GAS2L3: variants seen among roughly 807,000 people sequenced by gnomAD.
The protein encoded by GAS2L3 is growth arrest specific 2 like 3.
In GAS2L3, 28 loss-of-function variants were observed where a neutral mutation model predicts 37.0. The ratio of observed to expected loss-of-function variants is 0.76; its 90% CI spans 0.56 to 1.04. The LOEUF (loss-of-function observed/expected upper bound fraction) is 1.04, where lower values mean the gene tolerates loss of function less well. Among genes scored for constraint, GAS2L3 ranks in the 50% least tolerant of loss-of-function variants. The pLI, the probability that GAS2L3 is intolerant of heterozygous loss-of-function variation, is 0.00. For missense variants in GAS2L3, 793 were observed against 817.6 expected, an observed-to-expected ratio of 0.97 and a Z score of 0.37; for synonymous variants, 290 against 296.6, an observed-to-expected ratio of 0.98 and a Z score of 0.23.
chr12:100,583,065 T>C (rs1435370883), intron 1 of GAS2L3, among the ~76,000 whole-genome samples: 1 of 152,104 alleles, frequency 6.6e-6, no homozygotes, highest in African/African-American at 2.4e-5. Flanking sequence ...GGTTCTTGGA[T>C]CTCATGCAAG....
At chr12:100,576,908 CAT>C (rs1955644921) in intron 1 of GAS2L3, among the ~76,000 whole-genome samples, 1 of 152,172 alleles carries the variant, frequency 6.6e-6, no homozygotes, top group Non-Finnish European at 1.5e-5. Flanking sequence ...GACCATCAGT[CAT>C]GTGCTGGATA....
intron 5 of GAS2L3, among the ~76,000 whole-genome samples, chr12:100,602,503 A>T (rs1956003996): frequency 6.6e-6 from 1 of 151,762 alleles, no homozygotes; most frequent in South Asian, 2.1e-4. Context: ...TCTTGTAAAA[A>T]ATATTTTGTG....
chr12:100,590,141 G>A (rs1332063469), intron 1 of GAS2L3, among the ~76,000 whole-genome samples: 1 of 152,170 alleles, frequency 6.6e-6, no homozygotes, highest in East Asian at 1.9e-4. Flanking sequence ...CCCACAGAGT[G>A]GGAGAAAATT....
rs199899152 is a variant in GAS2L3, at chr12:100,618,453, G to A, written c.514G>A (p.Gly172Arg). Residue 172 changes from glycine to arginine, a missense_variant, in exon 8 of 10, where the codon GGG (glycine) becomes AGG (arginine). By Grantham distance (125) the Gly-to-Arg change is moderately radical. Coordinates refer to ENST00000547754, the MANE Select transcript of GAS2L3 (RefSeq NM_174942.3). ...LEIGRIVSRY[G>R]VEPPVLVKLE... ...GATCTCCTGGTTGGTTTTCAGATACGGGGTTGAGCCACCAGTGTTAGTAAA... is the reference window on the plus strand; with the variant it reads ...GATCTCCTGGTTGGTTTTCAGATACAGGGTTGAGCCACCAGTGTTAGTAAA... 9.0e-5 allele frequency: 144 copies of A among 1,604,966 alleles called. No individual in the cohort carries two copies. Among genetic ancestry groups the A allele is most frequent in the South Asian group, 2.4e-4 (21 of 89,292 alleles).
At chr12:100,578,834 C>T in intron 1 of GAS2L3, 1 of 699,052 alleles carries the variant, frequency 1.4e-6, no homozygotes, top group South Asian at 1.5e-5. Flanking sequence ...ACGTAGAACC[C>T]ATACCCATAA....
At chr12:100,595,665 A>G (rs574443153) in intron 3 of GAS2L3, among the ~76,000 whole-genome samples, 1 of 151,996 alleles carries the variant, frequency 6.6e-6, no homozygotes. Context: ...ATTAGATTTC[A>G]GTTCTGATCC....
In GAS2L3 at chr12:100,624,607, G is replaced by A; in HGVS notation, c.1802G>A (p.Gly601Glu). Residue 601 changes from glycine to glutamate, a missense_variant, in exon 10 of 10, where the codon GGA (glycine) becomes GAA (glutamate). Transcript: ENST00000547754. ...PQNKSAFQKT[G>E]PSSLKSPGRT... is the part of the protein sequence containing the mutation. The stretch of plus-strand genomic sequence containing the variant: ...AATAAAAGTGCATTTCAGAAGACAG[G>A]ACCCAGCTCCTTGAAGTCTCCTGGC... 1.9e-6 allele frequency: 3 copies of A among 1,614,020 alleles called. No homozygotes were observed. The highest frequency in any genetic ancestry group is 1.1e-5 in the South Asian group (1 of 91,082).
chr12:100,581,988 T>C (rs1475835739), intron 1 of GAS2L3, among the ~76,000 whole-genome samples: 1 of 152,254 alleles, frequency 6.6e-6, no homozygotes, highest in Non-Finnish European at 1.5e-5. Flanking sequence ...AAATTTGTTT[T>C]ACATAAATCT....
In GAS2L3 at chr12:100,627,098, A is replaced by G. The variant is rs1374200968; in HGVS notation, c.*2208A>G. Reference sequence around the variant, plus strand: ...AGTGAGACTCTGTCTCAAAAAAAAAAAAAAAGAAAAAGAAAAGAAAAAGGT... The same window carrying G: ...AGTGAGACTCTGTCTCAAAAAAAAAGAAAAAGAAAAAGAAAAGAAAAAGGT... On this transcript the variant is annotated 3_prime_UTR_variant, in exon 10 of 10. Transcript: ENST00000547754. Among the ~76,000 whole-genome samples the G allele has an allele frequency of 2.0e-5, 3 of 151,818 alleles. No individual in the cohort carries two copies. The highest frequency in any genetic ancestry group is 4.4e-5 in the Non-Finnish European group (3 of 67,932).
chr12:100,619,123 G>A (rs1956223148), intron 8 of GAS2L3, among the ~76,000 whole-genome samples: 1 of 151,942 alleles, frequency 6.6e-6, no homozygotes, highest in Non-Finnish European at 1.5e-5. Context: ...GATTTCCAAG[G>A]TTTCTCTAAG....
In GAS2L3 at chr12:100,625,590, A is replaced by G. The variant is rs1187439599; in HGVS notation, c.*700A>G. 1.3e-5 allele frequency: 2 copies of G among 152,206 alleles called. No homozygotes were observed. Among genetic ancestry groups the G allele is most frequent in the Non-Finnish European group, 2.9e-5 (2 of 68,034 alleles). 9.4% of individuals were successfully genotyped at this position (152,206 alleles called of 1,614,324 possible). A position where few individuals can be genotyped will look rare whatever the true frequency, so the allele number is the denominator to read the frequency against. ...AACAAATTAACTTACTGAAATATAA[A>G]CAAATTTTGTAAACAATTTTTTATA... On this transcript the variant is annotated 3_prime_UTR_variant, in exon 10 of 10. Transcript: ENST00000547754.
chr12:100,594,860 T>C lies in GAS2L3; in HGVS notation c.-30-15T>C. On this transcript the variant is annotated splice_polypyrimidine_tract_variant and intron_variant, in intron 2 of 9. Transcript: ENST00000547754. Reference sequence around the variant, plus strand: ...CCACTGTTAACTGTATGTTAATATTTTGTTCTTTTTTCAGAAAAGAAATTT... The same window carrying C: ...CCACTGTTAACTGTATGTTAATATTCTGTTCTTTTTTCAGAAAAGAAATTT... The C allele has an allele frequency of 9.4e-7, 1 of 1,068,996 alleles. No homozygotes were observed. Among genetic ancestry groups the C allele is most frequent in the Non-Finnish European group, 1.3e-6 (1 of 764,410 alleles). The allele number at this position is 1,068,996 out of a possible 1,614,324, so 66.2% of individuals were successfully genotyped here. A position where few individuals can be genotyped will look rare whatever the true frequency, so the allele number is the denominator to read the frequency against.
chr12:100,574,276 A>C (rs1955608734), intron 1 of GAS2L3, among the ~76,000 whole-genome samples: 2 of 152,172 alleles, frequency 1.3e-5, no homozygotes, highest in African/African-American at 2.4e-5. Flanking sequence ...GGCCCTGCAA[A>C]GAGAAAGAGA....
rs1300907560 is a variant in GAS2L3, at chr12:100,591,847, TG to T, written c.-39del. On this transcript the variant is annotated 5_prime_UTR_variant, in exon 2 of 10. The change abolishes the stop of an existing upstream ORF in the 5' untranslated region. Coordinates refer to ENST00000547754, the MANE Select transcript of GAS2L3 (RefSeq NM_174942.3). ...TCAATACCTTCTACTACCCCATTGCTGTCTTTATGGTGAGTTATTTTAGTAC... is the reference window on the plus strand; with the variant it reads ...TCAATACCTTCTACTACCCCATTGCTTCTTTATGGTGAGTTATTTTAGTAC... The T allele has an allele frequency of 5.9e-5, 9 of 152,266 alleles. No homozygotes were observed. The highest frequency in any genetic ancestry group is 2.2e-4 in the African/African-American group (9 of 41,566). The allele number at this position is 152,266 out of a possible 1,614,324, so 9.4% of individuals were successfully genotyped here.
rs58446699 is a variant in GAS2L3, at chr12:100,575,476, A to ATTTTTT, written c.-152+1709_-152+1714dup. On this transcript the variant is annotated intron_variant, in intron 1 of 9. Transcript: ENST00000547754. Reference sequence around the variant, plus strand: ...CTAAAATGTAGTTCATGTTATCTCTATTTTTTTTTTTTTTTTTTTTTTTGA... The same window carrying ATTTTTT: ...CTAAAATGTAGTTCATGTTATCTCTATTTTTTTTTTTTTTTTTTTTTTTTTTTTTGA... Among the ~76,000 whole-genome samples the ATTTTTT allele has an allele frequency of 9.1e-4, 81 of 88,778 alleles. 3 individuals carry two copies. Among genetic ancestry groups the ATTTTTT allele is most frequent in the African/African-American group, 1.3e-3 (28 of 21,434 alleles). 58.2% of individuals were successfully genotyped at this position (88,778 alleles called of 152,430 possible). A position where few individuals can be genotyped will look rare whatever the true frequency, so the allele number is the denominator to read the frequency against.
rs1956292382 is a variant in GAS2L3, at chr12:100,623,880, C to A, written c.1075C>A (p.Leu359Met). The A allele has an allele frequency of 1.9e-6, 3 of 1,614,046 alleles. No individual in the cohort carries two copies. In the East Asian group the frequency reaches 6.7e-5, roughly 36 times the overall value. Residue 359 changes from leucine to methionine, a missense_variant, in exon 10 of 10, where the codon CTG becomes ATG. By Grantham distance (15) the Leu-to-Met change is conservative (BLOSUM62 2). Transcript: ENST00000547754. ...AGGTGCATTGGTGCCAGCATCTTCA[C>A]TGAAAGGAGGTAATCTGGGCTCTAT... ...PPGALVPASS[L>M]KGGNLGSMSV...
chr12:100,579,914 G>T, intron 1 of GAS2L3: 2 of 762,618 alleles, frequency 2.6e-6, no homozygotes, highest in Non-Finnish European at 2.4e-6. Flanking sequence ...GGAATGTTGT[G>T]GAGAGAACTG....
chr12:100,579,578 G>A (rs949789237), intron 1 of GAS2L3: 7 of 773,152 alleles, frequency 9.1e-6, no homozygotes, highest in Non-Finnish European at 1.7e-5. Context: ...AAAGATACCA[G>A]TTGCATGACA....
chr12:100,590,472 A>G (rs1190673009), intron 1 of GAS2L3, among the ~76,000 whole-genome samples: 11 of 152,230 alleles, frequency 7.2e-5, no homozygotes, highest in Non-Finnish European at 1.5e-4. Context: ...GCTGGTGGAA[A>G]TGTAAACTAG....
Sources: allele counts gnomAD v4.1 joint callset (sites outside exome capture counted in the v4.1 genomes callset), GRCh38; gene constraint gnomAD v4.1.1; transcripts MANE v1.5; gene names NCBI Gene and HGNC (gene_info 2026-07-23, HGNC 2026-07-21).